The following CREB1 variants were observed in gnomAD, a reference collection of about 807,000 sequenced individuals.
CREB1 encodes cyclic AMP-responsive element-binding protein 1.
CREB1 carries 2 observed loss-of-function variants against 42.0 expected under a neutral mutation model. The observed-to-expected ratio is 0.05, with a 90% CI of 0.02 to 0.15. CREB1 has a LOEUF of 0.15. CREB1 is among the 10% of genes least tolerant of loss of function. The probability of loss-of-function intolerance (pLI) is 1.00; values close to 1 mark genes in which losing one functional copy is unlikely to be tolerated. For missense variants in CREB1, 199 were observed against 388.9 expected, an observed-to-expected ratio of 0.51 and a Z score of 4.11; for synonymous variants, 123 against 139.9, an observed-to-expected ratio of 0.88 and a Z score of 0.85.
At chr2:207,567,646 G>A in intron 4 of CREB1, 83 bp downstream of exon 4, 1 of 884,582 alleles carries the variant, frequency 1.1e-6, no homozygotes, top group South Asian at 1.4e-5. Flanking sequence ...AGACCAGTTA[G>A]TTGTTCACGT....
intron 7 of CREB1, among the ~76,000 whole-genome samples, chr2:207,585,768 TAAA>T (rs1320970183): frequency 3.3e-5 from 5 of 152,032 alleles, no homozygotes; most frequent in Admixed American, 1.3e-4. Flanking sequence ...ATTTAATAAA[TAAA>T]AAACAGTCGA....
chr2:207,569,385 A>G (rs1176038273), intron 4 of CREB1, among the ~76,000 whole-genome samples: 1 of 152,132 alleles, frequency 6.6e-6, no homozygotes, highest in East Asian at 1.9e-4. Flanking sequence ...CCCAGCAGCA[A>G]TGTATGAGAG....
At chr2:207,594,168 T>G (rs1386201674) in intron 7 of CREB1, among the ~76,000 whole-genome samples, 1 of 152,246 alleles carries the variant, frequency 6.6e-6, no homozygotes, top group African/African-American at 2.4e-5. Context: ...TGCTAAAGAA[T>G]AATTTTTAAT....
intron 2 of CREB1, chr2:207,559,181 C>A: frequency 7.0e-6 from 2 of 285,888 alleles, no homozygotes; most frequent in East Asian, 1.7e-4. Context: ...GGTTATCCCA[C>A]TCTGCCATGT....
Position 207,581,812 on chromosome 2 carries a change from C to T in CREB1, c.839+4157C>T, listed in dbSNP as rs2082993205. 5.7e-6 allele frequency: 4 copies of T among 699,852 alleles called. No individual in the cohort carries two copies. The South Asian group carries it at 6.0e-5, about 10-fold the overall frequency. 43.4% of individuals were successfully genotyped at this position (699,852 alleles called of 1,614,324 possible). A position where few individuals can be genotyped will look rare whatever the true frequency, so the allele number is the denominator to read the frequency against. On this transcript the variant is annotated intron_variant, in intron 7 of 7. Coordinates refer to ENST00000353267, the MANE Select transcript of CREB1 (RefSeq NM_004379.5). ...TACTTACATAATCCAGTTTGGGTAC[C>T]ATATCGCATTTAATTATAGTCTCCT...
chr2:207,548,391 T>TA (rs1469342309), intron 1 of CREB1, among the ~76,000 whole-genome samples: 1 of 152,214 alleles, frequency 6.6e-6, no homozygotes. Flanking sequence ...ATATTGAACT[T>TA]AAACAGTTTC....
intron 4 of CREB1, among the ~76,000 whole-genome samples, chr2:207,569,168 T>C (rs1369138651): frequency 6.6e-6 from 1 of 152,184 alleles, no homozygotes; most frequent in African/African-American, 2.4e-5. Context: ...TTTTTTCCTT[T>C]TTATTTGTTT....
chr2:207,575,088 A>G (rs977098654), intron 5 of CREB1, among the ~76,000 whole-genome samples, 184 bp from the exon 6 acceptor site: 3 of 152,214 alleles, frequency 2.0e-5, no homozygotes, highest in Admixed American at 6.5e-5. Context: ...GTGCATTTCT[A>G]TTGTAGAAGT....
intron 1 of CREB1, among the ~76,000 whole-genome samples, chr2:207,536,323 G>A (rs1252227742): frequency 6.6e-6 from 1 of 152,128 alleles, no homozygotes; most frequent in East Asian, 1.9e-4. Flanking sequence ...GGGAGGCTGA[G>A]GTAGGTGGAT....
At chr2:207,569,905 C>T (rs1334342056) in intron 4 of CREB1, among the ~76,000 whole-genome samples, 2 of 151,698 alleles carry the variant, frequency 1.3e-5, no homozygotes, top group African/African-American at 2.4e-5. Flanking sequence ...ATTAGCCAGG[C>T]GTGGTGGCAG....
chr2:207,573,164 A>G (rs1166966620), intron 5 of CREB1, among the ~76,000 whole-genome samples: 1 of 152,160 alleles, frequency 6.6e-6, no homozygotes, highest in Non-Finnish European at 1.5e-5. Flanking sequence ...TTCTTCTACA[A>G]TTGTTTTATA....
intron 7 of CREB1, chr2:207,581,839 C>A (rs1342452753): frequency 7.1e-6 from 5 of 702,702 alleles, no homozygotes; most frequent in Admixed American, 2.0e-5. Context: ...TAGTCTCCTT[C>A]AGTCTGTGAA....
At chr2:207,545,347 C>A (rs950185963) in intron 1 of CREB1, among the ~76,000 whole-genome samples, 5 of 151,318 alleles carry the variant, frequency 3.3e-5, no homozygotes, top group Admixed American at 6.6e-5. Flanking sequence ...AGCTGGGACT[C>A]CAGTCATGTG....
At chr2:207,530,950 T>G (rs563104464) in intron 1 of CREB1, among the ~76,000 whole-genome samples, 4 of 151,894 alleles carry the variant, frequency 2.6e-5, no homozygotes. Context: ...GGGGGAATTT[T>G]TGACTCCCTC....
rs933846477 is a variant in CREB1, at chr2:207,555,835, A to G, written c.114+86A>G. Reference sequence around the variant, plus strand: ...AGAATTTAGTTGTTATTACATAGATATACATAGAATGAGCAGAGATACTCT... The same window carrying G: ...AGAATTTAGTTGTTATTACATAGATGTACATAGAATGAGCAGAGATACTCT... On this transcript the variant is annotated intron_variant, in intron 2 of 7. Transcript: ENST00000353267. 10 of 772,192 alleles carry G rather than the reference A, an allele frequency of 1.3e-5. No individual in the cohort carries two copies. The African/African-American group carries it at 1.4e-4, about 11-fold the overall frequency. 47.8% of individuals were successfully genotyped at this position (772,192 alleles called of 1,614,324 possible).
chr2:207,558,508 A>T (rs2081822514), intron 2 of CREB1, among the ~76,000 whole-genome samples: 1 of 151,960 alleles, frequency 6.6e-6, no homozygotes, highest in Non-Finnish European at 1.5e-5. Flanking sequence ...CCTCGTTCCC[A>T]TCTCTACTAC....
At chr2:207,553,459 G>T (rs1407347844) in intron 1 of CREB1, among the ~76,000 whole-genome samples, 2 of 152,078 alleles carry the variant, frequency 1.3e-5, no homozygotes, top group East Asian at 3.8e-4. Flanking sequence ...ATAACTCAGT[G>T]AATTAATCAG....
intron 6 of CREB1, 200 bp from the exon 7 acceptor site, chr2:207,577,305 G>A (rs1284259327): frequency 7.8e-6 from 8 of 1,030,796 alleles, no homozygotes; most frequent in Non-Finnish European, 2.7e-6. Flanking sequence ...ATAGGTTACT[G>A]TAATAAATAC....
At position 207,599,082 on chromosome 2, in the gene CREB1, T is replaced by C. The variant is rs1393865380; in HGVS notation, c.*2024T>C. 2.6e-5 allele frequency: 5 copies of C among 189,930 alleles called. No homozygotes were observed. The highest frequency in any genetic ancestry group is 5.5e-5 in the Non-Finnish European group (5 of 90,626). The allele number at this position is 189,930 out of a possible 1,614,324, so 11.8% of individuals were successfully genotyped here. A position where few individuals can be genotyped will look rare whatever the true frequency, so the allele number is the denominator to read the frequency against. On this transcript the variant is annotated 3_prime_UTR_variant, in exon 8 of 8. Transcript: ENST00000353267. ...ACAAACCATTGTCTTTTTTCAAGGA[T>C]GAACAGAGTTTATGAAGGAGCATCA... is the stretch of plus-strand genomic sequence containing the variant.
Sources: allele counts gnomAD v4.1 joint callset (sites outside exome capture counted in the v4.1 genomes callset), GRCh38; gene constraint gnomAD v4.1.1; transcripts MANE v1.5; gene names NCBI Gene and HGNC (gene_info 2026-07-23, HGNC 2026-07-21).